Variants in ST7 observed in about 807,000 individuals in gnomAD.
The protein encoded by ST7 is suppressor of tumorigenicity 7 protein.
ST7 carries 28 observed loss-of-function variants against 78.7 expected under a neutral mutation model. The observed-to-expected ratio is 0.36, with a 90% CI of 0.26 to 0.49. The LOEUF is 0.49. ST7 is among the 20% of genes least tolerant of loss of function. The pLI, the probability that ST7 is intolerant of heterozygous loss-of-function variation, is 0.99. For missense variants in ST7, 418 were observed against 696.0 expected, an observed-to-expected ratio of 0.60 and a Z score of 4.49; for synonymous variants, 247 against 249.6, an observed-to-expected ratio of 0.99 and a Z score of 0.10.
At chr7:117,066,802 T>C (rs1798661025) in intron 1 of ST7, among the ~76,000 whole-genome samples, 1 of 148,862 alleles carries the variant, frequency 6.7e-6, no homozygotes, top group Admixed American at 6.7e-5. Flanking sequence ...GATTCAGTGG[T>C]TTTTAGTATG....
intron 1 of ST7, among the ~76,000 whole-genome samples, chr7:117,037,289 C>G (rs1218444209): frequency 6.6e-6 from 1 of 152,144 alleles, no homozygotes; most frequent in African/African-American, 2.4e-5. Context: ...ACAAAAGCTT[C>G]CCAAGGAGAG....
intron 1 of ST7, among the ~76,000 whole-genome samples, chr7:116,979,671 C>T (rs931269734): frequency 6.6e-6 from 1 of 152,160 alleles, no homozygotes; most frequent in South Asian, 2.1e-4. Flanking sequence ...AATCTTATTA[C>T]AGTAATCTCC....
intron 1 of ST7, among the ~76,000 whole-genome samples, chr7:117,096,233 T>C (rs892123353): frequency 1.3e-5 from 2 of 152,138 alleles, no homozygotes; most frequent in Non-Finnish European, 2.9e-5. Context: ...CTAGGCAAGA[T>C]ATTTTTTGGT....
At chr7:117,178,558 T>C (rs1022309082) in intron 10 of ST7, among the ~76,000 whole-genome samples, 36 of 152,186 alleles carry the variant, frequency 2.4e-4, no homozygotes, top group Non-Finnish European at 4.0e-4. Flanking sequence ...ATTTGTGAGA[T>C]GGTTTGGGAT....
intron 1 of ST7, among the ~76,000 whole-genome samples, chr7:117,040,975 T>C (rs1325485703): frequency 6.6e-6 from 1 of 152,224 alleles, no homozygotes; most frequent in African/African-American, 2.4e-5. Flanking sequence ...CTTCCTTCAC[T>C]ATCTACCCCT....
At chr7:117,221,480 C>T (rs1283855323) in intron 14 of ST7, among the ~76,000 whole-genome samples, 1 of 151,988 alleles carries the variant, frequency 6.6e-6, no homozygotes, top group African/African-American at 2.4e-5. Context: ...TTTTTAAATA[C>T]AGGAAGGAAA....
chr7:117,119,057 C>T (rs1803145791), intron 2 of ST7, among the ~76,000 whole-genome samples: 1 of 152,098 alleles, frequency 6.6e-6, no homozygotes, highest in African/African-American at 2.4e-5. Context: ...TTCTGTAAAA[C>T]CAGTATTTCC....
In ST7 at chr7:116,965,458, C is replaced by T. The variant is rs1014095869; in HGVS notation, c.151+11767C>T. 2.0e-5 allele frequency among the ~76,000 whole-genome samples: 3 copies of T among 151,880 alleles called. No individual in the cohort carries two copies. The South Asian group carries it at 6.2e-4, about 31-fold the overall frequency. ...CATTAGGACAAATACCTAATGCATG[C>T]GAGGCTTAAAACCTAGATAACACGT... On this transcript the variant is annotated intron_variant, in intron 1 of 15. Transcript: ENST00000323984.
intron 1 of ST7, among the ~76,000 whole-genome samples, chr7:116,982,494 T>C (rs7782644): frequency 0.032 from 4,807 of 152,256 alleles, 240 homozygotes; most frequent in African/African-American, 0.11. Flanking sequence ...CATTTACTTC[T>C]TTAAACCAGT....
rs552970658 is a variant in ST7 at position 117,106,147 on chromosome 7, T to A, written c.234+6303T>A. Among the ~76,000 whole-genome samples, 548 of 152,138 alleles carry A rather than the reference T, an allele frequency of 3.6e-3. 2 individuals are homozygous for A. The highest frequency in any genetic ancestry group is 6.4e-3 in the Non-Finnish European group (437 of 67,978). ...CCGAGTAGCTGGGACTACAGGCGCC[T>A]GCCACCGCGCCGGGCTAATTTTTTG... On this transcript the variant is annotated intron_variant, in intron 2 of 15. Coordinates refer to ENST00000323984, the MANE Select transcript of ST7 (RefSeq NM_001369598.1).
chr7:117,150,051 G>A (rs911407485), intron 9 of ST7, among the ~76,000 whole-genome samples: 2 of 152,220 alleles, frequency 1.3e-5, no homozygotes, highest in Admixed American at 6.5e-5. Flanking sequence ...GAGCTGTGTC[G>A]TTCATTATCC....
chr7:117,043,810 C>G (rs1415569041), intron 1 of ST7, among the ~76,000 whole-genome samples: 1 of 152,184 alleles, frequency 6.6e-6, no homozygotes, highest in Admixed American at 6.5e-5. Flanking sequence ...TCACCACACC[C>G]CTGTGAGATA....
intron 9 of ST7, among the ~76,000 whole-genome samples, chr7:117,165,344 T>C (rs1563135128): frequency 6.6e-6 from 1 of 152,156 alleles, no homozygotes; most frequent in Non-Finnish European, 1.5e-5. Flanking sequence ...ATCTATTCCA[T>C]TTTCAGACAG....
chr7:117,165,393 G>A lies in ST7; in HGVS notation c.964-5469G>A, dbSNP rs146498687. Among the ~76,000 whole-genome samples the A allele has an allele frequency of 2.4e-3, 368 of 152,194 alleles. 2 individuals carry two copies. The highest frequency in any genetic ancestry group is 8.1e-3 in the African/African-American group (338 of 41,522). On this transcript the variant is annotated intron_variant, in intron 9 of 15. Coordinates refer to ENST00000323984, the MANE Select transcript of ST7 (RefSeq NM_001369598.1). ...AAAATTCTGAGCATTGAGTCAAAAC[G>A]TACAGGTTCTACCTATACCTTGTCC...
chr7:117,230,110 G>T lies in ST7; in HGVS notation c.*253G>T. ...CTTTTGTGTATTACAGCAATCATTTGTATCCTCCTGTGTCTTCCAACCCTA... is the reference window on the plus strand; with the variant it reads ...CTTTTGTGTATTACAGCAATCATTTTTATCCTCCTGTGTCTTCCAACCCTA... On this transcript the variant is annotated 3_prime_UTR_variant, in exon 16 of 16. Coordinates refer to ENST00000323984, the MANE Select transcript of ST7 (RefSeq NM_001369598.1). The T allele has an allele frequency of 9.4e-6, 6 of 637,754 alleles. No individual in the cohort carries two copies. Among genetic ancestry groups the T allele is most frequent in the Non-Finnish European group, 1.7e-5 (6 of 343,392 alleles). 39.5% of individuals were successfully genotyped at this position (637,754 alleles called of 1,614,324 possible).
intron 1 of ST7, among the ~76,000 whole-genome samples, chr7:117,014,248 G>A (rs1795503272): frequency 6.6e-6 from 1 of 151,116 alleles, no homozygotes; most frequent in African/African-American, 2.4e-5. Flanking sequence ...AGTAGCCATT[G>A]TTAAAGTTTA....
chr7:117,222,700 T>C (rs1793177215), intron 15 of ST7, among the ~76,000 whole-genome samples: 1 of 152,080 alleles, frequency 6.6e-6, no homozygotes, highest in Non-Finnish European at 1.5e-5. Context: ...GCACATGCAG[T>C]TGAGGATAAG....
chr7:117,030,975 G>T (rs1204296873), intron 1 of ST7, among the ~76,000 whole-genome samples: 1 of 152,032 alleles, frequency 6.6e-6, no homozygotes, highest in Admixed American at 6.6e-5. Context: ...AGAAAATGTG[G>T]TACATATACA....
chr7:117,152,879 G>A (rs1806399423), intron 9 of ST7, among the ~76,000 whole-genome samples: 1 of 151,232 alleles, frequency 6.6e-6, no homozygotes, highest in African/African-American at 2.4e-5. Context: ...GTCTGTCTCA[G>A]AGAGAGAGAG....
Sources: gnomAD v4.1 joint callset for allele counts (sites outside exome capture counted in the v4.1 genomes callset) on GRCh38, gnomAD v4.1.1 for gene constraint, MANE v1.5 for transcripts, NCBI Gene and HGNC (gene_info 2026-07-23, HGNC 2026-07-21) for gene names.